Variants in CDH13 observed in about 807,000 individuals in gnomAD.
CDH13 encodes the protein cadherin-13.
CDH13 carries 24 observed loss-of-function variants against 63.8 expected under a neutral mutation model. The observed-to-expected ratio is 0.38, with a 90% confidence interval of 0.27 to 0.53. CDH13 has a LOEUF of 0.53. CDH13 is among the 20% of genes least tolerant of loss of function. The pLI is 0.85. For synonymous variants in CDH13, 503 were observed against 355.3 expected (o/e 1.42, Z -4.67); for missense variants, 1,049 against 903.1 (o/e 1.16, Z -2.07).
chr16:82,781,189 A>G (rs1157158626), intron 1 of CDH13, among the ~76,000 whole-genome samples: 2 of 152,258 alleles, frequency 1.3e-5, no homozygotes, highest in Non-Finnish European at 2.9e-5. Context: ...ACAATGAAAT[A>G]GAGATGTGAT....
intron 1 of CDH13, among the ~76,000 whole-genome samples, chr16:82,691,011 A>G (rs1915592158): frequency 1.3e-5 from 2 of 152,326 alleles, no homozygotes; most frequent in African/African-American, 4.8e-5. Flanking sequence ...GAAATGGGAG[A>G]ATAGAGCCAG....
chr16:83,411,380 A>G (rs11864143), intron 6 of CDH13, among the ~76,000 whole-genome samples: 34,846 of 152,064 alleles, frequency 0.23, 4,268 homozygotes, highest in Middle Eastern at 0.35. Context: ...CATCCAATGT[A>G]TATCACCGTT....
intron 1 of CDH13, among the ~76,000 whole-genome samples, chr16:82,842,801 A>G (rs1034659476): frequency 6.6e-6 from 1 of 152,154 alleles, no homozygotes. Flanking sequence ...CTGCAACTAG[A>G]CAGTCTCATC....
intron 6 of CDH13, among the ~76,000 whole-genome samples, chr16:83,379,629 C>T (rs967391274): frequency 1.3e-5 from 2 of 152,010 alleles, no homozygotes; most frequent in African/African-American, 4.8e-5. Context: ...ATATATTTGC[C>T]AGGCTCCTGG....
At chr16:83,544,177 C>T (rs1567752031) in intron 7 of CDH13, among the ~76,000 whole-genome samples, 1 of 152,172 alleles carries the variant, frequency 6.6e-6, no homozygotes, top group South Asian at 2.1e-4. Flanking sequence ...TTACAGTCCC[C>T]ACATTGCAGA....
At chr16:83,672,405 T>TTC (rs1327382100) in intron 9 of CDH13, among the ~76,000 whole-genome samples, 17 of 130,426 alleles carry the variant, frequency 1.3e-4, no homozygotes, top group Admixed American at 3.5e-4. Context: ...GCTCTCTGGA[T>TTC]TCTCTTTTTT....
At chr16:83,435,461 C>G (rs1348871978) in intron 6 of CDH13, among the ~76,000 whole-genome samples, 1 of 152,176 alleles carries the variant, frequency 6.6e-6, no homozygotes, top group African/African-American at 2.4e-5. Flanking sequence ...CAACATCTAA[C>G]TCTGATGTGG....
chr16:82,841,203 C>T (rs2038994641), intron 1 of CDH13, among the ~76,000 whole-genome samples: 1 of 152,104 alleles, frequency 6.6e-6, no homozygotes, highest in African/African-American at 2.4e-5. Flanking sequence ...GGTGAAAATC[C>T]CTGATATTTG....
At chr16:83,075,527 G>T (rs2032773359) in intron 3 of CDH13, among the ~76,000 whole-genome samples, 1 of 152,186 alleles carries the variant, frequency 6.6e-6, no homozygotes. Flanking sequence ...ACAGGGTTGT[G>T]GTTGCTGAGC....
At chr16:83,566,921 T>C (rs1422272999) in intron 7 of CDH13, among the ~76,000 whole-genome samples, 1 of 152,164 alleles carries the variant, frequency 6.6e-6, no homozygotes, top group Admixed American at 6.6e-5. Flanking sequence ...AATGCTTTCC[T>C]TATTCCCACC....
intron 3 of CDH13, among the ~76,000 whole-genome samples, chr16:83,071,890 C>G (rs980793432): frequency 1.3e-5 from 2 of 152,066 alleles, no homozygotes; most frequent in African/African-American, 4.8e-5. Context: ...GTAAAATACA[C>G]AGAATTGATT....
At chr16:83,582,457 G>A (rs8055016) in intron 7 of CDH13, among the ~76,000 whole-genome samples, 60,703 of 151,792 alleles carry the variant, frequency 0.4, 12,750 homozygotes, top group Middle Eastern at 0.5. Flanking sequence ...GTACTGCCTT[G>A]TTATGCAAAT....
At chr16:82,788,474 C>T (rs770466489) in intron 1 of CDH13, among the ~76,000 whole-genome samples, 3 of 139,226 alleles carry the variant, frequency 2.2e-5, no homozygotes, top group Non-Finnish European at 3.4e-5. Context: ...TCTCAGAAGA[C>T]CCTCCCTCCA....
At chr16:82,870,467 A>G (rs1007414338) in intron 2 of CDH13, among the ~76,000 whole-genome samples, 8 of 152,220 alleles carry the variant, frequency 5.3e-5, no homozygotes, top group Non-Finnish European at 1.0e-4. Flanking sequence ...ACTGCTGGAT[A>G]TATATCTAAA....
chr16:83,746,117 G>C (rs1370771324), intron 10 of CDH13, among the ~76,000 whole-genome samples: 1 of 152,202 alleles, frequency 6.6e-6, no homozygotes, highest in Non-Finnish European at 1.5e-5. Flanking sequence ...CGGTAACAAA[G>C]TATTGCAAAC....
Position 83,061,704 on chromosome 16 carries a change from G to A in CDH13, c.366+29486G>A, listed in dbSNP as rs539209881. ...GACGCCTCCAGTTAAACTCCAGTGA[G>A]CTAAAAAGTATAGTGATAAATATAT... On this transcript the variant is annotated intron_variant, in intron 3 of 13. Transcript: ENST00000567109. Among the ~76,000 whole-genome samples the A allele has an allele frequency of 1.7e-3, 256 of 152,284 alleles. 1 individual carries two copies. Among genetic ancestry groups the A allele is most frequent in the African/African-American group, 5.8e-3 (240 of 41,554 alleles).
At chr16:82,826,247 A>C (rs2038247666) in intron 1 of CDH13, 1 of 152,180 alleles carries the variant, frequency 6.6e-6, no homozygotes, top group Admixed American at 6.5e-5. Flanking sequence ...TAGCCAAATG[A>C]AATCTTGAAA....
At chr16:83,065,783 G>A (rs1158926390) in intron 3 of CDH13, among the ~76,000 whole-genome samples, 2 of 151,806 alleles carry the variant, frequency 1.3e-5, no homozygotes, top group Admixed American at 6.6e-5. Context: ...ATGTGTTGCT[G>A]TTTCCTGCAC....
chr16:82,663,255 C>T (rs1282206082), intron 1 of CDH13, among the ~76,000 whole-genome samples: 3 of 152,122 alleles, frequency 2.0e-5, no homozygotes, highest in Non-Finnish European at 4.4e-5. Flanking sequence ...GGCGCGATCT[C>T]GGCTCACCGC....
Sources: gnomAD v4.1 joint callset for allele counts (sites outside exome capture counted in the v4.1 genomes callset) on GRCh38, gnomAD v4.1.1 for gene constraint, MANE v1.5 for transcripts, NCBI Gene and HGNC (gene_info 2026-07-23, HGNC 2026-07-21) for gene names.